NKAIN3: variants seen among roughly 807,000 people sequenced by gnomAD.
NKAIN3 encodes the protein sodium/potassium transporting ATPase interacting 3.
NKAIN3 carries 25 observed loss-of-function variants against 30.2 expected under a neutral mutation model. That is an observed-to-expected ratio of 0.83 (90% CI 0.60 to 1.16). NKAIN3 has a LOEUF of 1.16. Among genes scored for constraint, NKAIN3 ranks in the 50% most tolerant of loss-of-function variants. The pLI is 0.00. For missense variants in NKAIN3, 225 were observed against 254.1 expected, an observed-to-expected ratio of 0.89 and a Z score of 0.78; for synonymous variants, 91 against 89.6, an observed-to-expected ratio of 1.02 and a Z score of -0.09.
At chr8:62,603,878 G>A (rs1811050077) in intron 3 of NKAIN3, among the ~76,000 whole-genome samples, 1 of 152,026 alleles carries the variant, frequency 6.6e-6, no homozygotes, top group Non-Finnish European at 1.5e-5. Flanking sequence ...AAAAATGATT[G>A]GTCAGATTAG....
intron 3 of NKAIN3, among the ~76,000 whole-genome samples, chr8:62,731,108 G>T (rs1340511881): frequency 2.0e-5 from 3 of 151,936 alleles, no homozygotes; most frequent in Non-Finnish European, 4.4e-5. Context: ...ACCTAGATTG[G>T]GCATTTCTCC....
At chr8:62,737,716 T>A (rs1460400184) in intron 3 of NKAIN3, among the ~76,000 whole-genome samples, 2 of 152,206 alleles carry the variant, frequency 1.3e-5, no homozygotes, top group Non-Finnish European at 2.9e-5. Flanking sequence ...CTCAACTTTA[T>A]TTTTTTAGTC....
At chr8:62,731,122 G>A (rs1202178169) in intron 3 of NKAIN3, among the ~76,000 whole-genome samples, 2 of 151,884 alleles carry the variant, frequency 1.3e-5, no homozygotes, top group African/African-American at 4.8e-5. Context: ...TTTCTCCAGG[G>A]AAGACCTGGC....
chr8:62,585,904 A>T (rs1810455947), intron 2 of NKAIN3, among the ~76,000 whole-genome samples: 1 of 152,200 alleles, frequency 6.6e-6, no homozygotes, highest in Non-Finnish European at 1.5e-5. Context: ...TTCTACTTCT[A>T]AATTTAAAAA....
chr8:62,323,509 G>A (rs1458351000), intron 1 of NKAIN3, among the ~76,000 whole-genome samples: 1 of 152,210 alleles, frequency 6.6e-6, no homozygotes, highest in East Asian at 1.9e-4. Flanking sequence ...TGGACAGGCA[G>A]TTGCTGAACA....
intron 4 of NKAIN3, among the ~76,000 whole-genome samples, chr8:62,904,552 C>T (rs981248346): frequency 4.6e-5 from 7 of 152,164 alleles, no homozygotes; most frequent in African/African-American, 1.4e-4. Context: ...ATGGCAATAA[C>T]TCTGATGCAC....
intron 1 of NKAIN3, among the ~76,000 whole-genome samples, chr8:62,529,505 A>G (rs1056782604): frequency 6.6e-6 from 1 of 152,030 alleles, no homozygotes; most frequent in Non-Finnish European, 1.5e-5. Flanking sequence ...GCCCTCCTGA[A>G]TGGGATTAGT....
At chr8:62,743,121 C>G (rs182301841) in intron 3 of NKAIN3, among the ~76,000 whole-genome samples, 3 of 152,168 alleles carry the variant, frequency 2.0e-5, no homozygotes, top group African/African-American at 7.2e-5. Flanking sequence ...GTGGGGGACA[C>G]AGCCAAATTA....
chr8:62,530,887 T>G (rs1286027877), intron 1 of NKAIN3, among the ~76,000 whole-genome samples: 1 of 152,086 alleles, frequency 6.6e-6, no homozygotes, highest in African/African-American at 2.4e-5. Flanking sequence ...TCAGGTCATC[T>G]GCCCACCTCG....
intron 4 of NKAIN3, among the ~76,000 whole-genome samples, chr8:62,890,731 G>A (rs1821274648): frequency 6.6e-6 from 1 of 152,196 alleles, no homozygotes; most frequent in Admixed American, 6.5e-5. Flanking sequence ...GAGAGGGACA[G>A]GATTGAGGTA....
intron 1 of NKAIN3, among the ~76,000 whole-genome samples, chr8:62,292,782 C>T (rs1813693016): frequency 2.6e-5 from 4 of 152,130 alleles, no homozygotes; most frequent in Admixed American, 2.6e-4. Flanking sequence ...TGTTGGCCTG[C>T]CTCACTAGGT....
chr8:62,856,116 C>G (rs1820052550), intron 4 of NKAIN3: 1 of 715,434 alleles, frequency 1.4e-6, no homozygotes, highest in Non-Finnish European at 2.6e-6. Context: ...TTCTGTTTCC[C>G]CTTTCTCCAT....
chr8:62,717,217 G>A (rs1814934889), intron 3 of NKAIN3, among the ~76,000 whole-genome samples: 1 of 152,126 alleles, frequency 6.6e-6, no homozygotes. Flanking sequence ...TTGCTGAGTA[G>A]TCACAGTTAT....
chr8:62,959,752 C>T (rs1372406826), intron 6 of NKAIN3, among the ~76,000 whole-genome samples: 2 of 152,168 alleles, frequency 1.3e-5, no homozygotes, highest in Non-Finnish European at 1.5e-5. Context: ...TCACTGTTCC[C>T]ACTACTAAGG....
chr8:62,749,679 C>CTTTTTTTT (rs35908903), intron 4 of NKAIN3, among the ~76,000 whole-genome samples: 16 of 97,276 alleles, frequency 1.6e-4, no homozygotes, highest in Non-Finnish European at 2.4e-4. Context: ...TTTTTCTTTT[C>CTTTTTTTT]TTTTTTTTTT....
intron 4 of NKAIN3, among the ~76,000 whole-genome samples, chr8:62,822,881 GT>G: frequency 6.6e-6 from 1 of 152,104 alleles, no homozygotes; most frequent in Non-Finnish European, 1.5e-5. Flanking sequence ...ACACACTTAG[GT>G]TATATGGCAT....
chr8:62,557,663 G>A (rs2129963987), intron 1 of NKAIN3, among the ~76,000 whole-genome samples: 1 of 152,232 alleles, frequency 6.6e-6, no homozygotes, highest in African/African-American at 2.4e-5. Flanking sequence ...CATTAGTGAT[G>A]TTGAGCAGTT....
chr8:62,775,563 A>G (rs1817166110), intron 4 of NKAIN3, among the ~76,000 whole-genome samples: 1 of 151,964 alleles, frequency 6.6e-6, no homozygotes, highest in East Asian at 1.9e-4. Flanking sequence ...TCCTCTTAGT[A>G]CTGCTATTGC....
intron 1 of NKAIN3, among the ~76,000 whole-genome samples, chr8:62,427,994 C>G (rs1175375166): frequency 6.6e-6 from 1 of 151,938 alleles, no homozygotes; most frequent in African/African-American, 2.4e-5. Context: ...TCACCCCCCA[C>G]TTGCCATTAC....
Sources: gnomAD v4.1 joint callset for allele counts (sites outside exome capture counted in the v4.1 genomes callset) on GRCh38, gnomAD v4.1.1 for gene constraint, MANE v1.5 for transcripts, NCBI Gene and HGNC (gene_info 2026-07-23, HGNC 2026-07-21) for gene names.